ARHGAP24: variants seen among roughly 807,000 people sequenced by gnomAD.
ARHGAP24 encodes the protein Rho GTPase activating protein 24.
ARHGAP24 carries 50 observed loss-of-function variants against 76.4 expected under a neutral mutation model. That is an observed-to-expected ratio of 0.65 (90% confidence interval 0.52 to 0.83). The LOEUF is 0.83. ARHGAP24 is among the 40% of genes least tolerant of loss of function. The pLI is 0.00. For missense variants in ARHGAP24, 930 were observed against 914.2 expected, an observed-to-expected ratio of 1.02 and a Z score of -0.22; for synonymous variants, 345 against 323.3, an observed-to-expected ratio of 1.07 and a Z score of -0.72.
At chr4:85,933,854 T>G (rs985160969) in intron 4 of ARHGAP24, among the ~76,000 whole-genome samples, 1 of 152,198 alleles carries the variant, frequency 6.6e-6, no homozygotes, top group Admixed American at 6.5e-5. Flanking sequence ...TCTTGATTTT[T>G]TCGTGAACTA....
chr4:85,994,385 G>T (rs1040471088), intron 8 of ARHGAP24, among the ~76,000 whole-genome samples, 198 bp from the exon 9 acceptor site: 1 of 152,094 alleles, frequency 6.6e-6, no homozygotes, highest in Non-Finnish European at 1.5e-5. Flanking sequence ...AAAGCAAAGT[G>T]CTTGACACAG....
At chr4:85,978,847 T>G (rs1349206379) in intron 8 of ARHGAP24, among the ~76,000 whole-genome samples, 2 of 152,138 alleles carry the variant, frequency 1.3e-5, no homozygotes, top group African/African-American at 4.8e-5. Context: ...GTGTCTGTCA[T>G]CCTAATATCC....
chr4:85,842,455 A>G (rs1730652898), intron 3 of ARHGAP24, among the ~76,000 whole-genome samples: 3 of 152,344 alleles, frequency 2.0e-5, no homozygotes, highest in Non-Finnish European at 2.9e-5. Flanking sequence ...TAAACAGTGT[A>G]AAACATTTTT....
chr4:85,930,407 A>G lies in ARHGAP24; in HGVS notation c.391+6637A>G, dbSNP rs346498. On this transcript the variant is annotated intron_variant, in intron 4 of 9. Transcript: ENST00000395184. ...TGAAATGCTTTCTGGAGAAGGTGCC[A>G]TTATTTTCCTCCCCTCTTGCTCAGA... 0.37 allele frequency: 359,753 copies of G among 985,600 alleles called. 66,368 individuals are homozygous for G. The highest frequency in any genetic ancestry group is 0.63 in the East Asian group (5,578 of 8,786). 61.1% of individuals were successfully genotyped at this position (985,600 alleles called of 1,614,324 possible).
At chr4:85,923,108 C>T (rs1735822904) in intron 3 of ARHGAP24, among the ~76,000 whole-genome samples, 1 of 151,910 alleles carries the variant, frequency 6.6e-6, no homozygotes, top group Non-Finnish European at 1.5e-5. Context: ...GGATGAGGTT[C>T]CTCTTCCAGA....
chr4:85,521,208 GT>G (rs1416417943), intron 1 of ARHGAP24, among the ~76,000 whole-genome samples: 1 of 152,016 alleles, frequency 6.6e-6, no homozygotes, highest in Non-Finnish European at 1.5e-5. Flanking sequence ...ATAGCATGTT[GT>G]TTCACTGATA....
chr4:85,840,354 T>G (rs1038002203), intron 3 of ARHGAP24, among the ~76,000 whole-genome samples: 9 of 152,228 alleles, frequency 5.9e-5, no homozygotes, highest in African/African-American at 2.2e-4. Context: ...GACTGCATTT[T>G]ACATCCTGCC....
intron 3 of ARHGAP24, among the ~76,000 whole-genome samples, chr4:85,831,233 TTAAGAG>T (rs1729978800): frequency 6.6e-6 from 1 of 152,146 alleles, no homozygotes; most frequent in Non-Finnish European, 1.5e-5. Context: ...TCTTTACACA[TTAAGAG>T]CCCCAAAATT....
chr4:85,484,058 G>A lies in ARHGAP24; in HGVS notation c.-21+8499G>A, dbSNP rs1722925178. Among the ~76,000 whole-genome samples the A allele has an allele frequency of 1.3e-5, 2 of 152,320 alleles. 1 individual carries two copies. Among genetic ancestry groups the A allele is most frequent in the South Asian group, 4.1e-4 (2 of 4,826 alleles). The stretch of plus-strand genomic sequence containing the variant: ...GATTGAAGATTTTAACTGGCCACAG[G>A]ATGCTGTCCAGTGTTTGTGTGACTT... On this transcript the variant is annotated intron_variant, in intron 1 of 9. Coordinates refer to ENST00000395184, the MANE Select transcript of ARHGAP24 (RefSeq NM_001025616.3).
chr4:85,838,230 C>T (rs1046729739), intron 3 of ARHGAP24, among the ~76,000 whole-genome samples: 1 of 152,166 alleles, frequency 6.6e-6, no homozygotes, highest in East Asian at 1.9e-4. Context: ...AATCTGATTC[C>T]ACAGCCTGTG....
At chr4:85,660,239 A>G (rs1469070834) in intron 2 of ARHGAP24, among the ~76,000 whole-genome samples, 1 of 152,238 alleles carries the variant, frequency 6.6e-6, no homozygotes. Context: ...CCGTGAAGCA[A>G]GGAAAATGTA....
chr4:85,560,967 C>T (rs531656902), intron 1 of ARHGAP24, among the ~76,000 whole-genome samples: 11 of 152,296 alleles, frequency 7.2e-5, no homozygotes, highest in African/African-American at 2.2e-4. Flanking sequence ...ACCCCAAAGA[C>T]TGACTGAAAC....
At chr4:85,505,825 C>T (rs1269116888) in intron 1 of ARHGAP24, among the ~76,000 whole-genome samples, 1 of 152,090 alleles carries the variant, frequency 6.6e-6, no homozygotes, top group East Asian at 1.9e-4. Flanking sequence ...GAATTTTCAA[C>T]TTTTTGCCCT....
chr4:85,503,744 C>A (rs931183947), intron 1 of ARHGAP24, among the ~76,000 whole-genome samples: 4 of 152,114 alleles, frequency 2.6e-5, no homozygotes, highest in African/African-American at 9.7e-5. Context: ...TTAGTTATTT[C>A]TTACCGTCTG....
chr4:85,706,815 C>T (rs1483429438), intron 2 of ARHGAP24, among the ~76,000 whole-genome samples: 2 of 152,122 alleles, frequency 1.3e-5, no homozygotes, highest in Non-Finnish European at 2.9e-5. Flanking sequence ...CCGCCCGCCT[C>T]GGCCTCCCAA....
chr4:85,906,860 T>A (rs980250258), intron 3 of ARHGAP24, among the ~76,000 whole-genome samples: 1 of 152,140 alleles, frequency 6.6e-6, no homozygotes, highest in South Asian at 2.1e-4. Context: ...GGAGCTCATA[T>A]CTTAGGCGGA....
At chr4:85,941,754 A>T (rs964230194) in intron 4 of ARHGAP24, among the ~76,000 whole-genome samples, 10 of 152,202 alleles carry the variant, frequency 6.6e-5, no homozygotes, top group African/African-American at 1.9e-4. Context: ...GGAAAAAAAT[A>T]AATGAAAACC....
chr4:85,829,421 A>C (rs935648713), intron 3 of ARHGAP24, among the ~76,000 whole-genome samples: 1 of 152,224 alleles, frequency 6.6e-6, no homozygotes, highest in Non-Finnish European at 1.5e-5. Flanking sequence ...CTGTTCCTAC[A>C]TGCATGTGGA....
intron 4 of ARHGAP24, chr4:85,930,598 T>C: frequency 9.5e-7 from 1 of 1,048,294 alleles, no homozygotes; most frequent in Non-Finnish European, 1.1e-6. Flanking sequence ...AACCAATTCC[T>C]GCTGTTTGAA....
Sources: allele counts gnomAD v4.1 joint callset (sites outside exome capture counted in the v4.1 genomes callset), GRCh38; gene constraint gnomAD v4.1.1; transcripts MANE v1.5; gene names NCBI Gene and HGNC (gene_info 2026-07-23, HGNC 2026-07-21).